The following CATSPERG variants were observed in gnomAD, a reference collection of about 807,000 sequenced individuals.
CATSPERG encodes cation channel sperm-associated auxiliary subunit gamma.
A neutral mutation model predicts 145.0 loss-of-function variants in CATSPERG; 115 were observed. That is an observed-to-expected ratio of 0.79 (90% CI 0.68 to 0.93). CATSPERG has a LOEUF of 0.93. CATSPERG is among the 40% of genes least tolerant of loss of function. The pLI, the probability that CATSPERG is intolerant of heterozygous loss-of-function variation, is 0.00. For missense variants in CATSPERG, 1,296 were observed against 1,490.1 expected (o/e 0.87, Z 2.14); for synonymous variants, 588 against 589.0 (o/e 1.00, Z 0.02).
chr19:38,361,981 G>A (rs1471837344), intron 17 of CATSPERG, 120 bp downstream of exon 17: 1 of 776,478 alleles, frequency 1.3e-6, no homozygotes, highest in African/African-American at 1.7e-5. Flanking sequence ...ACTGGTGGTG[G>A]GTGGGCGGGG....
At chr19:38,356,911 CTG>C (rs1436759346) in intron 11 of CATSPERG, 50 bp downstream of exon 11, 3 of 1,604,198 alleles carry the variant, frequency 1.9e-6, no homozygotes, top group East Asian at 2.2e-5. Context: ...GGATCCCAGA[CTG>C]TGGACTGCAT....
Position 38,362,736 on chromosome 19 carries a change from C to A in CATSPERG, c.2379C>A (p.Ser793Arg), listed in dbSNP as rs778484023. The change falls in exon 20 of 29, where the codon AGC becomes AGA. Residue 793 changes from serine to arginine, a missense_variant. Ser to Arg is a moderately radical substitution (Grantham distance 110). Coordinates refer to ENST00000409235, the MANE Select transcript of CATSPERG (RefSeq NM_021185.5). ...SELGTAFQLH[S>R]QVDVGVVLAD... ...CAGGCACCGCCTTCCAGCTGCATAG[C>A]CAGGTGGACGTGGGCGTGGTGCTGG... 1.2e-6 allele frequency: 2 copies of A among 1,614,146 alleles called. No homozygotes were observed. The highest frequency in any genetic ancestry group is 2.2e-5 in the South Asian group (2 of 91,080).
rs753178805 is a variant in CATSPERG, at chr19:38,362,207, C to A, written c.2095-3C>A. The stretch of plus-strand genomic sequence containing the variant: ...CCTTCACGGTGCCGGGCGATCCCTG[C>A]AGCCGTACGCGGACCCGGTGCACGA... On this transcript the variant is annotated splice_polypyrimidine_tract_variant and splice_region_variant and intron_variant, in intron 17 of 28. Transcript: ENST00000409235. 3 of 1,589,382 alleles carry A rather than the reference C, an allele frequency of 1.9e-6. No homozygotes were observed. The highest frequency in any genetic ancestry group is 1.8e-5 in the Admixed American group (1 of 55,842).
At position 38,343,631 on chromosome 19, in the gene CATSPERG, G is replaced by C. The variant is rs1178291072; in HGVS notation, c.376G>C (p.Val126Leu). 2 of 1,551,410 alleles carry C rather than the reference G, an allele frequency of 1.3e-6. No individual in the cohort carries two copies. Among genetic ancestry groups the C allele is most frequent in the African/African-American group, 2.7e-5 (2 of 73,056 alleles). Residue 126 changes from valine to leucine, a missense_variant, in exon 4 of 29, where the codon GTG (valine) becomes CTG (leucine). Coordinates refer to ENST00000409235, the MANE Select transcript of CATSPERG (RefSeq NM_021185.5). ...CCACCTGACGGGGCTAAAGCCCCTG[G>C]TGCTGGTCACCTTCCAGTCCCCAGT... is the stretch of plus-strand genomic sequence containing the variant. ...MGHLTGLKPL[V>L]LVTFQSPVNF...
intron 8 of CATSPERG, among the ~76,000 whole-genome samples, chr19:38,354,082 CAG>C (rs1044604642): frequency 7.0e-4 from 104 of 148,646 alleles, no homozygotes; most frequent in Non-Finnish European, 1.1e-3. Context: ...TGTCAGCTTA[CAG>C]AGTCACTGGA....
At chr19:38,369,919 T>G in intron 26 of CATSPERG, 53 bp from the exon 27 acceptor site, 1 of 1,559,986 alleles carries the variant, frequency 6.4e-7, no homozygotes, top group Non-Finnish European at 8.8e-7. Context: ...AATTGGGAGT[T>G]GGCACAGACT....
intron 6 of CATSPERG, among the ~76,000 whole-genome samples, chr19:38,345,838 C>T (rs1970033060): frequency 6.6e-6 from 1 of 152,138 alleles, no homozygotes; most frequent in South Asian, 2.1e-4. Context: ...AATCCCGATG[C>T]ATTCACCCAT....
At chr19:38,336,842 C>G (rs1386411742) in intron 1 of CATSPERG, among the ~76,000 whole-genome samples, 1 of 141,956 alleles carries the variant, frequency 7.0e-6, no homozygotes, top group Non-Finnish European at 1.6e-5. Flanking sequence ...GACGTGGAGG[C>G]GGCGGGGCGG....
chr19:38,348,477 G>GTT (rs113503852), intron 7 of CATSPERG, among the ~76,000 whole-genome samples: 9 of 118,162 alleles, frequency 7.6e-5, no homozygotes, highest in African/African-American at 1.3e-4. Context: ...TTTTTTTTTT[G>GTT]TTTTTTTTTT....
rs1970477318 is a variant in CATSPERG, at chr19:38,367,681, C to G, written c.2835C>G (p.Ser945Arg). The change falls in exon 25 of 29, where the codon AGC becomes AGG. Residue 945 changes from serine to arginine, a missense_variant and splice_region_variant. Transcript: ENST00000409235. ...VTGDSGSFQG[S>R]YVLLVVGGGP... is the part of the protein sequence containing the mutation. ...CTGTGTGCACTTCTGTCCCTGGTAG[C>G]TATGTTCTGCTGGTGGTGGGTGGCG... The G allele has an allele frequency of 6.2e-7, 1 of 1,614,096 alleles. No individual in the cohort carries two copies. Among genetic ancestry groups the G allele is most frequent in the South Asian group, 1.1e-5 (1 of 91,076 alleles).
rs750631004 is a variant in CATSPERG, at chr19:38,362,227, G to A, written c.2112G>A (p.Val704=). The A allele has an allele frequency of 2.5e-6, 4 of 1,606,364 alleles. No homozygotes were observed. The South Asian group carries it at 4.4e-5, about 18-fold the overall frequency. Residue 704 remains valine, a synonymous_variant, in exon 18 of 29, where the codon GTG becomes GTA. Coordinates refer to ENST00000409235, the MANE Select transcript of CATSPERG (RefSeq NM_021185.5). ...SVYDKPYADP[V]HDPTWRWWAN... ...CCCTGCAGCCGTACGCGGACCCGGT[G>A]CACGACCCCACCTGGCGCTGGTGGG...
chr19:38,349,971 C>T (rs1395366038), intron 7 of CATSPERG, among the ~76,000 whole-genome samples: 1 of 152,128 alleles, frequency 6.6e-6, no homozygotes, highest in East Asian at 1.9e-4. Context: ...GGCCGTTGCT[C>T]ATTCTCGTAA....
At chr19:38,362,348 A>C in intron 18 of CATSPERG, 28 bp from the exon 19 acceptor site, 2 of 1,613,640 alleles carry the variant, frequency 1.2e-6, no homozygotes, top group Non-Finnish European at 1.7e-6. Flanking sequence ...CCCGGCGCTG[A>C]CTCTGCCCCG....
chr19:38,362,982 C>A (rs1469029080), intron 20 of CATSPERG, 150 bp downstream of exon 20: 3 of 619,084 alleles, frequency 4.8e-6, no homozygotes, highest in Non-Finnish European at 8.5e-6. Context: ...AAGCGATCCT[C>A]CTCCCTCAAC....
intron 5 of CATSPERG, 48 bp from the exon 6 acceptor site, chr19:38,344,248 C>A (rs754724658): frequency 1.8e-5 from 28 of 1,541,150 alleles, no homozygotes; most frequent in Non-Finnish European, 2.5e-5. Flanking sequence ...AGCTGTGGAA[C>A]CCCTGACACT....
chr19:38,367,116 A>C (rs1417195431), intron 22 of CATSPERG, 40 bp from the exon 23 acceptor site: 21 of 1,579,962 alleles, frequency 1.3e-5, no homozygotes, highest in Non-Finnish European at 1.8e-5. Flanking sequence ...GCCTGAGGAG[A>C]CCCTGGCCAC....
intron 7 of CATSPERG, among the ~76,000 whole-genome samples, chr19:38,350,490 G>C (rs899923722): frequency 6.6e-6 from 1 of 152,154 alleles, no homozygotes; most frequent in Non-Finnish European, 1.5e-5. Flanking sequence ...CGATTCTCTT[G>C]CCTCAGCCTC....
chr19:38,352,623 G>A lies in CATSPERG; in HGVS notation c.997+191G>A, dbSNP rs1265914018. 8 of 547,440 alleles carry A rather than the reference G, an allele frequency of 1.5e-5. No individual in the cohort carries two copies. The African/African-American group carries it at 1.6e-4, about 11-fold the overall frequency. The allele number at this position is 547,440 out of a possible 1,614,324, so 33.9% of individuals were successfully genotyped here. ...TTTTTTTTTTTTTTTTTTTTTTGCTGGGATGAGGCTTCCACCCAGACCCTC... is the reference window on the plus strand; with the variant it reads ...TTTTTTTTTTTTTTTTTTTTTTGCTAGGATGAGGCTTCCACCCAGACCCTC... On this transcript the variant is annotated intron_variant, in intron 8 of 28. Coordinates refer to ENST00000409235, the MANE Select transcript of CATSPERG (RefSeq NM_021185.5).
intron 28 of CATSPERG, 127 bp from the exon 29 acceptor site, chr19:38,370,399 G>A: frequency 7.0e-7 from 1 of 1,423,180 alleles, no homozygotes; most frequent in Non-Finnish European, 9.8e-7. Context: ...GCCACAGGCT[G>A]TCTACTCATT....
Sources: allele counts gnomAD v4.1 joint callset (sites outside exome capture counted in the v4.1 genomes callset), GRCh38; gene constraint gnomAD v4.1.1; transcripts MANE v1.5; gene names NCBI Gene and HGNC (gene_info 2026-07-23, HGNC 2026-07-21).